The following TSPAN13 variants were observed in gnomAD, a reference collection of about 807,000 sequenced individuals.
TSPAN13 encodes tetraspanin 13.
TSPAN13 carries 18 observed loss-of-function variants against 26.9 expected under a neutral mutation model. That is an observed-to-expected ratio of 0.67 (90% CI 0.46 to 0.99). The LOEUF is 0.99. Among genes scored for constraint, TSPAN13 ranks in the 50% least tolerant of loss-of-function variants. The pLI, the probability that TSPAN13 is intolerant of heterozygous loss-of-function variation, is 0.00. For missense variants in TSPAN13, 201 were observed against 249.6 expected (o/e 0.81, Z 1.31); for synonymous variants, 116 against 98.4 (o/e 1.18, Z -1.06).
chr7:16,761,131 C>A (rs1236400784), intron 1 of TSPAN13, among the ~76,000 whole-genome samples: 2 of 152,176 alleles, frequency 1.3e-5, no homozygotes, highest in African/African-American at 2.4e-5. Flanking sequence ...CCCTTACTTT[C>A]AATCACCTTT....
intron 1 of TSPAN13, among the ~76,000 whole-genome samples, chr7:16,762,867 G>C (rs559801858): frequency 6.6e-6 from 1 of 152,044 alleles, no homozygotes; most frequent in East Asian, 1.9e-4. Context: ...TTGTCTTTTG[G>C]GGGGAAACAG....
chr7:16,754,094 C>A, intron 1 of TSPAN13, 64 bp downstream of exon 1: 1 of 1,526,354 alleles, frequency 6.6e-7, no homozygotes, highest in East Asian at 2.4e-5. Flanking sequence ...AGCTCTTTGG[C>A]TTCCCTGCCT....
chr7:16,754,134 C>A, intron 1 of TSPAN13, 104 bp downstream of exon 1: 1 of 1,168,768 alleles, frequency 8.6e-7, no homozygotes, highest in Non-Finnish European at 1.2e-6. Flanking sequence ...GCATCCCGCG[C>A]CCCCTTCCCG....
chr7:16,763,162 T>C (rs962910843), intron 1 of TSPAN13, among the ~76,000 whole-genome samples: 7 of 152,226 alleles, frequency 4.6e-5, no homozygotes, highest in Admixed American at 3.9e-4. Flanking sequence ...GCTCATTGAT[T>C]ACCTTCTTTT....
At chr7:16,770,462 G>C (rs1442347907) in intron 1 of TSPAN13, among the ~76,000 whole-genome samples, 1 of 152,048 alleles carries the variant, frequency 6.6e-6, no homozygotes, top group South Asian at 2.1e-4. Flanking sequence ...CACCCGCTTC[G>C]GCCTCCCAAA....
intron 2 of TSPAN13, 60 bp downstream of exon 2, chr7:16,776,438 T>G: frequency 6.6e-7 from 1 of 1,509,162 alleles, no homozygotes; most frequent in Non-Finnish European, 9.0e-7. Context: ...TTACAACTAA[T>G]TTAATATTAT....
intron 1 of TSPAN13, among the ~76,000 whole-genome samples, chr7:16,768,272 C>T (rs1784631221): frequency 6.6e-6 from 1 of 152,170 alleles, no homozygotes; most frequent in Non-Finnish European, 1.5e-5. Flanking sequence ...AGGTGTCTCT[C>T]ACATTTGTCT....
At chr7:16,759,839 C>T (rs367842019) in intron 1 of TSPAN13, among the ~76,000 whole-genome samples, 4 of 152,026 alleles carry the variant, frequency 2.6e-5, no homozygotes, top group African/African-American at 7.2e-5. Context: ...CAGGCATGTA[C>T]CACCATACCC....
At chr7:16,755,730 A>G (rs909376572) in intron 1 of TSPAN13, among the ~76,000 whole-genome samples, 1 of 152,100 alleles carries the variant, frequency 6.6e-6, no homozygotes, top group Non-Finnish European at 1.5e-5. Context: ...TGAAGGGTCT[A>G]TATCAATGTA....
intron 1 of TSPAN13, among the ~76,000 whole-genome samples, chr7:16,757,721 C>A (rs1784496663): frequency 6.6e-6 from 1 of 152,010 alleles, no homozygotes; most frequent in Non-Finnish European, 1.5e-5. Flanking sequence ...TTTCCTTATA[C>A]TTTTGGTTGT....
chr7:16,768,692 G>C (rs1229631812), intron 1 of TSPAN13, among the ~76,000 whole-genome samples: 1 of 152,104 alleles, frequency 6.6e-6, no homozygotes, highest in Admixed American at 6.6e-5. Context: ...GTTTGAGGTA[G>C]GGATTAATAA....
At chr7:16,761,874 A>G (rs1784544844) in intron 1 of TSPAN13, among the ~76,000 whole-genome samples, 1 of 151,746 alleles carries the variant, frequency 6.6e-6, no homozygotes, top group Non-Finnish European at 1.5e-5. Flanking sequence ...GCTGTATTAC[A>G]TTTTGTTGGT....
Position 16,754,058 on chromosome 7 carries a change from G to C in TSPAN13, c.63+28G>C. 2.5e-6 allele frequency: 4 copies of C among 1,609,166 alleles called. No individual in the cohort carries two copies. In the East Asian group the frequency reaches 9.0e-5, roughly 36 times the overall value. On this transcript the variant is annotated intron_variant, in intron 1 of 5. Transcript: ENST00000262067. The stretch of plus-strand genomic sequence containing the variant: ...GAGTATCCCCAGTCCGTTCCTGCTC[G>C]CTTGGGGGCTTTGCACCTGCTTGGG...
At chr7:16,774,691 A>G (rs563410915) in intron 1 of TSPAN13, among the ~76,000 whole-genome samples, 3 of 152,278 alleles carry the variant, frequency 2.0e-5, no homozygotes, top group Non-Finnish European at 4.4e-5. Flanking sequence ...GAGTGGCAAA[A>G]TTTGTGAAAA....
intron 1 of TSPAN13, among the ~76,000 whole-genome samples, chr7:16,769,836 A>G (rs546769911): frequency 6.6e-6 from 1 of 152,308 alleles, no homozygotes; most frequent in African/African-American, 2.4e-5. Flanking sequence ...TTATTCCTGA[A>G]TTTTGGAGAA....
At chr7:16,755,353 G>T (rs1562515325) in intron 1 of TSPAN13, among the ~76,000 whole-genome samples, 1 of 152,128 alleles carries the variant, frequency 6.6e-6, no homozygotes, top group Non-Finnish European at 1.5e-5. Context: ...ACGCTTTTAT[G>T]GCTAGTTAGT....
intron 1 of TSPAN13, among the ~76,000 whole-genome samples, chr7:16,773,864 G>A (rs1274843375): frequency 1.3e-5 from 2 of 152,044 alleles, no homozygotes; most frequent in Non-Finnish European, 2.9e-5. Flanking sequence ...TAATTCTTCT[G>A]GTGAATTTAA....
chr7:16,777,890 C>T lies in TSPAN13; in HGVS notation c.405C>T (p.Asn135=). 6.2e-7 allele frequency: 1 copy of T among 1,613,038 alleles called. No individual in the cohort carries two copies. Among genetic ancestry groups the T allele is most frequent in the Non-Finnish European group, 8.5e-7 (1 of 1,179,360 alleles). The change falls in exon 4 of 6, where the codon AAC becomes AAT. Residue 135 remains asparagine (N), a synonymous_variant. Coordinates refer to ENST00000262067, the MANE Select transcript of TSPAN13 (RefSeq NM_014399.4). ...NLNCCGFRSV[N]PNDTCLASCV... ...ACTGCTGTGGGTTCCGAAGTGTTAA[C>T]CCAAATGACACCTGTCTGGCTGTAA... is the stretch of plus-strand genomic sequence containing the variant.
At chr7:16,764,929 T>G (rs1219114441) in intron 1 of TSPAN13, among the ~76,000 whole-genome samples, 6 of 116,964 alleles carry the variant, frequency 5.1e-5, no homozygotes, top group Admixed American at 5.1e-4. Context: ...TTTGTTTTTG[T>G]TTTTGTTTTT....
Sources: gnomAD v4.1 joint callset for allele counts (sites outside exome capture counted in the v4.1 genomes callset) on GRCh38, gnomAD v4.1.1 for gene constraint, MANE v1.5 for transcripts, NCBI Gene and HGNC (gene_info 2026-07-23, HGNC 2026-07-21) for gene names.